The following PXDN variants were observed in gnomAD, a reference collection of about 807,000 sequenced individuals.
The protein encoded by PXDN is peroxidasin homolog.
Under a neutral mutation model 140.3 loss-of-function variants are expected in PXDN, and 77 were observed. That is an observed-to-expected ratio of 0.55 (90% CI 0.46 to 0.66). PXDN has a LOEUF of 0.66. Ranked by LOEUF, PXDN falls within the 30% of genes least tolerant of loss-of-function variation. The pLI is 0.00. For synonymous variants in PXDN, 911 were observed against 857.4 expected, an observed-to-expected ratio of 1.06 and a Z score of -1.09; for missense variants, 1,838 against 2,039.5, an observed-to-expected ratio of 0.90 and a Z score of 1.90.
rs1203315514 is a variant in PXDN at position 1,649,546 on chromosome 2, T to C, written c.2234A>G (p.Asp745Gly). ...GTGCTGCAGGTTGTTACAGGTGCCG[T>C]CGTGCGTCCGGTACTTCTGGTGGAA... is the stretch of plus-strand genomic sequence containing the variant. ...MCFHQKYRTH[D>G]GTCNNLQHPM... Residue 745 changes from aspartate (D) to glycine (G), a missense_variant, in exon 17 of 23, where the codon GAC becomes GGC. Asp to Gly is a moderately conservative substitution (Grantham distance 94). Around this residue, in one of 5 missense-constraint regions of PXDN, gnomAD observed 537 missense variants for 583.9 expected, o/e 0.92. Transcript: ENST00000252804. This position sits in a 1 kb window ranked among gnomAD's most constrained non-coding sequence, Gnocchi z 7.1. 3 of 1,614,022 alleles carry C rather than the reference T, an allele frequency of 1.9e-6. No homozygotes were observed. The highest frequency in any genetic ancestry group is 1.1e-5 in the South Asian group (1 of 91,088).
chr2:1,701,274 G>A (rs1684421616), intron 1 of PXDN, among the ~76,000 whole-genome samples: 1 of 152,244 alleles, frequency 6.6e-6, no homozygotes, highest in South Asian at 2.1e-4. Context: ...ACAGGGGTGA[G>A]TACATCCATG....
At chr2:1,722,246 A>G (rs1195619937) in intron 1 of PXDN, among the ~76,000 whole-genome samples, 1 of 152,198 alleles carries the variant, frequency 6.6e-6, no homozygotes, top group African/African-American at 2.4e-5. Context: ...GGACGTCTTC[A>G]CTTTACCTCA....
intron 11 of PXDN, chr2:1,664,014 G>T (rs2241454): frequency 4.1e-6 from 2 of 486,822 alleles, no homozygotes; most frequent in Non-Finnish European, 7.4e-6. Context: ...CTACACAGGG[G>T]GCCAGGAGGA....
intron 19 of PXDN, among the ~76,000 whole-genome samples, chr2:1,640,743 G>A (rs1682706115): frequency 6.6e-6 from 1 of 152,202 alleles, no homozygotes; most frequent in Non-Finnish European, 1.5e-5. Context: ...AGCAACACCT[G>A]GGGTCAAGAA....
intron 1 of PXDN, among the ~76,000 whole-genome samples, chr2:1,729,307 G>A (rs776900230): frequency 3.9e-5 from 6 of 152,012 alleles, no homozygotes; most frequent in Non-Finnish European, 7.4e-5. Context: ...CCACCATCCC[G>A]GGGTCAGAGA....
intron 7 of PXDN, among the ~76,000 whole-genome samples, chr2:1,679,163 GT>G (rs1683804361): frequency 6.8e-6 from 1 of 147,642 alleles, no homozygotes; most frequent in Non-Finnish European, 1.5e-5. Context: ...TGTGTGTGTG[GT>G]GAGTGTGTGG....
chr2:1,723,163 G>A (rs1196057630), intron 1 of PXDN, among the ~76,000 whole-genome samples: 2 of 151,790 alleles, frequency 1.3e-5, no homozygotes, highest in African/African-American at 4.8e-5. Context: ...ACTGGAAAAT[G>A]GATGAGTAGT....
chr2:1,716,467 A>C (rs919825047), intron 1 of PXDN, among the ~76,000 whole-genome samples: 1 of 140,048 alleles, frequency 7.1e-6, no homozygotes, highest in African/African-American at 2.5e-5. Context: ...AAAAAAAAAA[A>C]AAACCAGGGT....
intron 11 of PXDN, chr2:1,663,966 A>G (rs987154448): frequency 3.3e-5 from 20 of 599,232 alleles, no homozygotes; most frequent in Non-Finnish European, 4.4e-5. Context: ...TAACTCAGAC[A>G]GAGGGGTTGA....
At chr2:1,732,635 C>A (rs886324028) in intron 1 of PXDN, among the ~76,000 whole-genome samples, 1 of 152,242 alleles carries the variant, frequency 6.6e-6, no homozygotes, top group Non-Finnish European at 1.5e-5. Context: ...AAGAACCAAA[C>A]TGTTTCCATA....
chr2:1,689,468 C>T (rs868104088), intron 3 of PXDN, among the ~76,000 whole-genome samples: 6 of 152,162 alleles, frequency 3.9e-5, no homozygotes, highest in South Asian at 2.1e-4. Context: ...GACATTGGAA[C>T]GTAATTTGTT....
intron 1 of PXDN, among the ~76,000 whole-genome samples, chr2:1,729,655 C>G (rs1280815944): frequency 2.6e-5 from 4 of 152,134 alleles, no homozygotes; most frequent in African/African-American, 7.2e-5. Context: ...GGATTCACCA[C>G]TGAAGAACTT....
At chr2:1,693,038 T>A (rs749124314) in intron 2 of PXDN, 25 bp downstream of exon 2, 8 of 1,500,418 alleles carry the variant, frequency 5.3e-6, no homozygotes, top group Admixed American at 2.0e-5. Context: ...TTTCTATTAG[T>A]TTCCAATAGA....
rs150991685 is a variant in PXDN at position 1,698,431 on chromosome 2, C to G, written c.201-5297G>C. 1.1e-3 allele frequency among the ~76,000 whole-genome samples: 165 copies of G among 152,172 alleles called. 2 individuals carry two copies. The Middle Eastern group carries it at 0.014, about 13-fold the overall frequency. On this transcript the variant is annotated intron_variant, in intron 1 of 22. Transcript: ENST00000252804. ...CCCCTACTTCAGAGTAACAAAGGCACGTCCTGGGGAAATGGTCGAGCACAC... is the reference window on the plus strand; with the variant it reads ...CCCCTACTTCAGAGTAACAAAGGCAGGTCCTGGGGAAATGGTCGAGCACAC...
At chr2:1,706,364 G>A (rs1030695993) in intron 1 of PXDN, among the ~76,000 whole-genome samples, 3 of 152,214 alleles carry the variant, frequency 2.0e-5, no homozygotes, top group Admixed American at 2.0e-4. Context: ...AATCGGACAC[G>A]GTCTCACTGC....
chr2:1,673,504 C>G, intron 9 of PXDN, 139 bp downstream of exon 9: 2 of 1,209,070 alleles, frequency 1.7e-6, no homozygotes, highest in East Asian at 4.7e-5. Flanking sequence ...AGAAAGCTTT[C>G]TGAGCCAACC....
chr2:1,665,988 G>A (rs1226308497), intron 10 of PXDN, among the ~76,000 whole-genome samples: 1 of 152,136 alleles, frequency 6.6e-6, no homozygotes, highest in Non-Finnish European at 1.5e-5. Context: ...ACAGAGACAC[G>A]ACAGCCAGCA....
At chr2:1,744,123 C>G in intron 1 of PXDN, 133 bp downstream of exon 1, 1 of 992,382 alleles carries the variant, frequency 1.0e-6, no homozygotes, top group South Asian at 2.6e-5. Context: ...CTTCTGCGTC[C>G]CAAGTCCCCA....
At chr2:1,711,090 ACT>A in intron 1 of PXDN, among the ~76,000 whole-genome samples, 1 of 34,236 alleles carries the variant, frequency 2.9e-5, no homozygotes, top group Non-Finnish European at 5.6e-5. Context: ...ACCAGCACCC[ACT>A]CTCCACTAGC....
Sources: gnomAD v4.1 joint callset for allele counts (sites outside exome capture counted in the v4.1 genomes callset) on GRCh38, gnomAD v4.1.1 for gene constraint, gnomAD v4.1.1 regional missense constraint, Gnocchi (gnomAD v3.1) non-coding constraint, MANE v1.5 for transcripts, NCBI Gene and HGNC (gene_info 2026-07-23, HGNC 2026-07-21) for gene names.